Variants in KYNU observed in about 807,000 individuals in gnomAD.
KYNU encodes the protein L-kynurenine hydrolase.
Under a neutral mutation model 59.2 loss-of-function variants are expected in KYNU, and 54 were observed. That is an observed-to-expected ratio of 0.91 (90% CI 0.73 to 1.14). KYNU has a LOEUF of 1.14. KYNU is among the 50% of genes most tolerant of loss of function. The probability of loss-of-function intolerance (pLI) is 0.00; values close to 1 mark genes in which losing one functional copy is unlikely to be tolerated. For synonymous variants in KYNU, 177 were observed against 192.0 expected, an observed-to-expected ratio of 0.92 and a Z score of 0.65; for missense variants, 567 against 554.4, an observed-to-expected ratio of 1.02 and a Z score of -0.23.
At chr2:142,938,001 G>A (rs928492696) in intron 4 of KYNU, among the ~76,000 whole-genome samples, 2 of 152,150 alleles carry the variant, frequency 1.3e-5, no homozygotes, top group Non-Finnish European at 2.9e-5. Flanking sequence ...CCGGAAAATA[G>A]CATAATAGTG....
intron 4 of KYNU, among the ~76,000 whole-genome samples, chr2:142,943,866 C>T (rs556529947): frequency 6.6e-6 from 1 of 152,260 alleles, no homozygotes; most frequent in East Asian, 1.9e-4. Context: ...AATTACAAAC[C>T]TTACAGCCAA....
At chr2:142,926,090 T>C (rs1162867894) in intron 3 of KYNU, among the ~76,000 whole-genome samples, 3 of 151,332 alleles carry the variant, frequency 2.0e-5, no homozygotes, top group Admixed American at 6.6e-5. Context: ...TGAGAACACA[T>C]GGAATCAGGG....
chr2:142,894,649 TG>T (rs1199079098), intron 2 of KYNU, among the ~76,000 whole-genome samples: 1 of 152,170 alleles, frequency 6.6e-6, no homozygotes, highest in African/African-American at 2.4e-5. Context: ...ACTTGTGGCA[TG>T]TGAATGCCAC....
Position 142,946,148 on chromosome 2 carries a change from A to G in KYNU, c.374-8662A>G, listed in dbSNP as rs552270968. 5.7e-4 allele frequency among the ~76,000 whole-genome samples: 87 copies of G among 152,060 alleles called. 1 individual carries two copies. In the South Asian group the frequency reaches 0.013, roughly 22 times the overall value. ...ACACAGGCTGGAATACAGTGGTGCAATCAGCTCACTACAGCCTTGATTTCC... is the reference window on the plus strand; with the variant it reads ...ACACAGGCTGGAATACAGTGGTGCAGTCAGCTCACTACAGCCTTGATTTCC... On this transcript the variant is annotated intron_variant, in intron 4 of 13. Coordinates refer to ENST00000264170, the MANE Select transcript of KYNU (RefSeq NM_003937.3).
intron 4 of KYNU, among the ~76,000 whole-genome samples, chr2:142,929,213 T>C (rs1357439003): frequency 6.6e-6 from 1 of 151,576 alleles, no homozygotes. Context: ...TACTCTTTTT[T>C]CTAAAACCTC....
At chr2:142,959,117 A>G (rs1480862997) in intron 7 of KYNU, among the ~76,000 whole-genome samples, 1 of 152,160 alleles carries the variant, frequency 6.6e-6, no homozygotes, top group Non-Finnish European at 1.5e-5. Flanking sequence ...ACACCCACAC[A>G]CATACACACT....
chr2:142,924,725 C>G (rs1412403655), intron 3 of KYNU, among the ~76,000 whole-genome samples: 1 of 152,168 alleles, frequency 6.6e-6, no homozygotes, highest in Non-Finnish European at 1.5e-5. Context: ...CTCTCTTTTC[C>G]TTTCCAGCAT....
intron 2 of KYNU, among the ~76,000 whole-genome samples, chr2:142,902,153 A>G (rs191525465): frequency 2.6e-4 from 39 of 152,292 alleles, no homozygotes; most frequent in South Asian, 1.0e-3. Flanking sequence ...TAACTGCTTT[A>G]CATACTAAGA....
chr2:142,917,287 G>A (rs1000133672), intron 2 of KYNU, among the ~76,000 whole-genome samples: 3 of 152,152 alleles, frequency 2.0e-5, no homozygotes, highest in Admixed American at 2.0e-4. Flanking sequence ...GTCAGCAGTT[G>A]GCACTGAAGG....
rs186132067 is a variant in KYNU, at chr2:142,921,583, G to A, written c.290+2854G>A. Among the ~76,000 whole-genome samples the A allele has an allele frequency of 1.2e-4, 19 of 152,116 alleles. No individual in the cohort carries two copies. The South Asian group carries it at 2.5e-3, about 20-fold the overall frequency. The stretch of plus-strand genomic sequence containing the variant: ...AGCACTTTGGGAGGCTGAGGCAAGC[G>A]GACCACAAAAGCCCAGTAGTTCCAG... On this transcript the variant is annotated intron_variant, in intron 3 of 13. Transcript: ENST00000264170.
intron 12 of KYNU, among the ~76,000 whole-genome samples, chr2:143,038,510 T>C (rs1292303400): frequency 2.0e-5 from 3 of 152,182 alleles, no homozygotes; most frequent in Non-Finnish European, 4.4e-5. Flanking sequence ...CTGGGTCATC[T>C]GAATCTTGGA....
intron 10 of KYNU, among the ~76,000 whole-genome samples, chr2:143,020,819 C>T (rs769440958): frequency 2.0e-5 from 3 of 152,154 alleles, no homozygotes; most frequent in Non-Finnish European, 4.4e-5. Context: ...AAATGAATTT[C>T]GTAGGTCAAT....
chr2:142,972,811 TATAGAG>T (rs1467025351), intron 8 of KYNU, among the ~76,000 whole-genome samples: 16 of 132,320 alleles, frequency 1.2e-4, no homozygotes, highest in South Asian at 1.0e-3. Context: ...TATATATATA[TATAGAG>T]AGAGAGAGAG....
chr2:142,991,975 A>G (rs1685409618), intron 10 of KYNU, among the ~76,000 whole-genome samples: 1 of 152,002 alleles, frequency 6.6e-6, no homozygotes, highest in Admixed American at 6.6e-5. Context: ...TTACCTGAAC[A>G]TCATTTTCCA....
intron 4 of KYNU, among the ~76,000 whole-genome samples, chr2:142,946,038 C>G (rs948798561): frequency 6.6e-6 from 1 of 151,772 alleles, no homozygotes; most frequent in East Asian, 1.9e-4. Flanking sequence ...CCACACCTGG[C>G]CTTTTTTCCA....
intron 11 of KYNU, among the ~76,000 whole-genome samples, chr2:143,030,566 C>T (rs1434988508): frequency 6.6e-6 from 1 of 152,060 alleles, no homozygotes; most frequent in Non-Finnish European, 1.5e-5. Flanking sequence ...CCTTGATATT[C>T]CTGGCTCAAG....
At chr2:142,904,913 C>A (rs767733335) in intron 2 of KYNU, among the ~76,000 whole-genome samples, 1 of 152,144 alleles carries the variant, frequency 6.6e-6, no homozygotes, top group Non-Finnish European at 1.5e-5. Context: ...TTCTAGTGGT[C>A]CTTTACCAGC....
rs563799769 is a variant in KYNU at position 143,044,142 on chromosome 2, A to T, written c.*1970A>T. 6.6e-6 allele frequency: 1 copy of T among 152,178 alleles called. No homozygotes were observed. The highest frequency in any genetic ancestry group is 1.5e-5 in the Non-Finnish European group (1 of 68,048). The allele number at this position is 152,178 out of a possible 1,614,324, so 9.4% of individuals were successfully genotyped here. A position where few individuals can be genotyped will look rare whatever the true frequency, so the allele number is the denominator to read the frequency against. ...AGAATGATGGTTTCCAGCTTCATCC[A>T]TGTCCCTGCAAAGGACATGAACTCA... On this transcript the variant is annotated 3_prime_UTR_variant, in exon 14 of 14. Coordinates refer to ENST00000264170, the MANE Select transcript of KYNU (RefSeq NM_003937.3).
chr2:143,039,327 T>C (rs1348924198), intron 12 of KYNU, among the ~76,000 whole-genome samples: 1 of 152,154 alleles, frequency 6.6e-6, no homozygotes, highest in Non-Finnish European at 1.5e-5. Flanking sequence ...GTAACACTGC[T>C]TTACACATTT....
Sources: allele counts gnomAD v4.1 joint callset (sites outside exome capture counted in the v4.1 genomes callset), GRCh38; gene constraint gnomAD v4.1.1; transcripts MANE v1.5; gene names NCBI Gene and HGNC (gene_info 2026-07-23, HGNC 2026-07-21).